Variants in OR2L13 observed in about 807,000 individuals in gnomAD.
The protein encoded by OR2L13 is olfactory receptor 2L13.
In OR2L13, 14 loss-of-function variants were observed where a neutral mutation model predicts 15.3. The ratio of observed to expected loss-of-function variants is 0.91; its 90% CI spans 0.60 to 1.43. The LOEUF (loss-of-function observed/expected upper bound fraction) is 1.43, where lower values mean the gene tolerates loss of function less well. Ranked by LOEUF, OR2L13 falls within the 40% of genes most tolerant of loss-of-function variation. OR2L13 has a pLI of 0.00. For synonymous variants in OR2L13, 152 were observed against 142.9 expected, an observed-to-expected ratio of 1.06 and a Z score of -0.45; for missense variants, 367 against 387.9, an observed-to-expected ratio of 0.95 and a Z score of 0.45.
chr1:247,948,990 A>T, the OR2L13 span: 1 of 1,613,612 alleles, frequency 6.2e-7, no homozygotes, highest in East Asian at 2.2e-5. Context: ...CCTGTCCATG[A>T]TTCTTCTCAT....
chr1:248,043,031 G>T, the OR2L13 span, among the ~76,000 whole-genome samples: 3 of 152,170 alleles, frequency 2.0e-5, no homozygotes, highest in Non-Finnish European at 4.4e-5. Flanking sequence ...ATATGTGCTT[G>T]ATAATGAGTT....
In OR2L13 at chr1:248,100,028, G is replaced by T. The variant is rs766163124; in HGVS notation, c.653G>T (p.Gly218Val). 4.3e-6 allele frequency: 7 copies of T among 1,613,950 alleles called. No individual in the cohort carries two copies. The highest frequency in any genetic ancestry group is 1.3e-5 in the African/African-American group (1 of 74,880). Reference sequence around the variant, plus strand: ...TTCATTGGCATCACTTCTTCCTGTGGCCGAGTCCTATTTGCTGTCTATCAT... The same window carrying T: ...TTCATTGGCATCACTTCTTCCTGTGTCCGAGTCCTATTTGCTGTCTATCAT... The change falls in exon 3 of 3, where the codon GGC (glycine) becomes GTC (valine). Residue 218 changes from glycine (G) to valine (V), a missense_variant. By Grantham distance (109) the Gly-to-Val change is moderately radical. Coordinates refer to ENST00000641714, the Ensembl canonical transcript of OR2L13.
At chr1:248,032,287 A>G in the OR2L13 span, among the ~76,000 whole-genome samples, 1 of 152,132 alleles carries the variant, frequency 6.6e-6, no homozygotes. Flanking sequence ...GTATATTTAA[A>G]TGTTTTTATT....
At chr1:248,018,032 G>T in the OR2L13 span, among the ~76,000 whole-genome samples, 1 of 151,986 alleles carries the variant, frequency 6.6e-6, no homozygotes, top group East Asian at 1.9e-4. Context: ...GTGGGCCCCT[G>T]TAATCCCAGC....
the OR2L13 span, among the ~76,000 whole-genome samples, chr1:248,069,986 T>C: frequency 0.087 from 13,156 of 151,562 alleles, 742 homozygotes; most frequent in African/African-American, 0.16. Context: ...AAGTCCTGAG[T>C]GACCTACAAA....
the OR2L13 span, among the ~76,000 whole-genome samples, chr1:247,987,910 A>G: frequency 2.0e-5 from 3 of 152,118 alleles, no homozygotes; most frequent in African/African-American, 7.2e-5. Context: ...CAAAAAATAT[A>G]TATTCTTGTA....
the OR2L13 span, among the ~76,000 whole-genome samples, chr1:247,977,662 C>T: frequency 2.0e-5 from 3 of 152,214 alleles, no homozygotes; most frequent in African/African-American, 7.2e-5. Context: ...TTCCGTATGA[C>T]TGCTTACTGC....
the OR2L13 span, among the ~76,000 whole-genome samples, chr1:247,993,754 AGAGAGG>A: frequency 2.0e-5 from 1 of 50,930 alleles, no homozygotes; most frequent in East Asian, 7.3e-4. Context: ...AAAGAGACAG[AGAGAGG>A]GGGAGAGAGA....
chr1:247,944,103 C>A, the OR2L13 span, among the ~76,000 whole-genome samples: 1 of 151,944 alleles, frequency 6.6e-6, no homozygotes, highest in Non-Finnish European at 1.5e-5. Flanking sequence ...GTTTTAAAAT[C>A]AGAAAGGATG....
At chr1:247,954,685 T>G in the OR2L13 span, among the ~76,000 whole-genome samples, 1 of 152,010 alleles carries the variant, frequency 6.6e-6, no homozygotes, top group Non-Finnish European at 1.5e-5. Context: ...TAGTAACTTA[T>G]TTCATGTGTT....
the OR2L13 span, among the ~76,000 whole-genome samples, chr1:247,982,607 AT>A: frequency 1.3e-5 from 2 of 152,158 alleles, no homozygotes; most frequent in African/African-American, 4.8e-5. Context: ...TTAAATGTGT[AT>A]TTTTTAGTAA....
chr1:248,099,367 A>G (rs781507875), exon 3 of OR2L13: 7 of 1,584,064 alleles, frequency 4.4e-6, no homozygotes, highest in Non-Finnish European at 5.2e-6. Flanking sequence ...GTTACAGCAG[A>G]AAGTTTTCAT....
chr1:247,944,288 T>A, the OR2L13 span, among the ~76,000 whole-genome samples: 1 of 152,258 alleles, frequency 6.6e-6, no homozygotes, highest in South Asian at 2.1e-4. Flanking sequence ...CTTTATTATT[T>A]TTTTAATAAT....
the OR2L13 span, among the ~76,000 whole-genome samples, chr1:248,053,331 C>T: frequency 1.3e-5 from 2 of 152,106 alleles, no homozygotes; most frequent in African/African-American, 4.8e-5. Context: ...ATATGTACCA[C>T]AGTTTCTTTA....
chr1:247,942,344 A>G, the OR2L13 span, among the ~76,000 whole-genome samples: 1 of 152,150 alleles, frequency 6.6e-6, no homozygotes, highest in Non-Finnish European at 1.5e-5. Context: ...CATCTTTAAT[A>G]TTAGGAAACC....
the OR2L13 span, among the ~76,000 whole-genome samples, chr1:248,081,703 T>C: frequency 6.6e-6 from 1 of 152,190 alleles, no homozygotes; most frequent in South Asian, 2.1e-4. Flanking sequence ...AGCAAACTTT[T>C]AGTCTTAAAC....
the OR2L13 span, chr1:248,004,149 C>T: frequency 1.6e-6 from 2 of 1,221,450 alleles, no homozygotes; most frequent in South Asian, 3.8e-5. Context: ...TCATTTCATT[C>T]CTAGAGTTCA....
chr1:248,039,917 T>G, the OR2L13 span: 1 of 152,218 alleles, frequency 6.6e-6, no homozygotes, highest in Non-Finnish European at 1.5e-5. Context: ...CAATTTGGCT[T>G]TAGAAAAACA....
the OR2L13 span, among the ~76,000 whole-genome samples, chr1:248,084,942 A>G: frequency 6.6e-6 from 1 of 152,160 alleles, no homozygotes; most frequent in Admixed American, 6.5e-5. Context: ...AGTACTACTT[A>G]CTCATTATAG....
Sources: allele counts gnomAD v4.1 joint callset (sites outside exome capture counted in the v4.1 genomes callset), GRCh38; gene constraint gnomAD v4.1.1; transcripts MANE v1.5; gene names NCBI Gene and HGNC (gene_info 2026-07-23, HGNC 2026-07-21).